Variants in KCNK2 observed in about 807,000 individuals in gnomAD.
KCNK2 encodes the protein potassium channel subfamily K member 2.
Under a neutral mutation model 40.5 loss-of-function variants are expected in KCNK2, and 21 were observed. The observed-to-expected ratio is 0.52, with a 90% CI of 0.37 to 0.75. KCNK2 has a LOEUF of 0.75. Among genes scored for constraint, KCNK2 ranks in the 30% least tolerant of loss-of-function variants. The pLI is 0.00. For missense variants in KCNK2, 399 were observed against 531.6 expected (o/e 0.75, Z 2.45); for synonymous variants, 191 against 202.2 (o/e 0.94, Z 0.47).
At chr1:215,081,165 A>ATGTGTGTG (rs34229936), upstream of KCNK2, among the ~76,000 whole-genome samples, 7,123 of 149,308 alleles carry the variant, frequency 0.048, 213 homozygotes, top group Middle Eastern at 0.099. Context: ...GTACACGCAA[A>ATGTGTGTG]TGTGTGTGTG....
intron 6 of KCNK2, among the ~76,000 whole-genome samples, chr1:215,207,520 A>G (rs901474066): frequency 2.0e-5 from 3 of 152,338 alleles, no homozygotes; most frequent in African/African-American, 7.2e-5. Flanking sequence ...TCTGAAGCAC[A>G]TGCATTTGAA....
At chr1:215,040,102 A>G (rs1657515798) in intron 1 of KCNK2, among the ~76,000 whole-genome samples, 3 of 152,138 alleles carry the variant, frequency 2.0e-5, no homozygotes, top group South Asian at 4.1e-4. Flanking sequence ...TTTACATTAC[A>G]TTACAGTGAC....
At chr1:215,124,548 T>TA in intron 2 of KCNK2, 85 bp from the exon 3 acceptor site, 1 of 807,534 alleles carries the variant, frequency 1.2e-6, no homozygotes, top group Non-Finnish European at 2.2e-6. Context: ...CTTTGTCAAA[T>TA]AAGTCATTTC....
At chr1:215,110,356 T>G (rs113320795) in intron 2 of KCNK2, among the ~76,000 whole-genome samples, 1 of 152,090 alleles carries the variant, frequency 6.6e-6, no homozygotes, top group East Asian at 1.9e-4. Flanking sequence ...GTCTTATGTT[T>G]AAGTCTTTAA....
chr1:215,208,985 G>A (rs1353256384), intron 6 of KCNK2, among the ~76,000 whole-genome samples: 7 of 151,268 alleles, frequency 4.6e-5, no homozygotes, highest in African/African-American at 1.7e-4. Context: ...CTGCCACCAC[G>A]CCCAGCTAAT....
intron 1 of KCNK2, among the ~76,000 whole-genome samples, chr1:215,061,732 A>T (rs1658368326): frequency 6.6e-6 from 1 of 152,118 alleles, no homozygotes; most frequent in African/African-American, 2.4e-5. Context: ...AATTCAACAG[A>T]TTTAAAAGGG....
chr1:215,059,441 GT>G (rs1658294307), intron 1 of KCNK2, among the ~76,000 whole-genome samples: 1 of 151,992 alleles, frequency 6.6e-6, no homozygotes, highest in Non-Finnish European at 1.5e-5. Context: ...TGGTAAGTTA[GT>G]AATGAGTAAA....
At chr1:215,097,481 G>A (rs1263732313) in intron 2 of KCNK2, among the ~76,000 whole-genome samples, 3 of 136,178 alleles carry the variant, frequency 2.2e-5, no homozygotes, top group Non-Finnish European at 3.3e-5. Context: ...CTTCCTTTTG[G>A]GGTGAATGTT....
chr1:215,166,469 T>C (rs1369678788), intron 3 of KCNK2, among the ~76,000 whole-genome samples: 1 of 152,192 alleles, frequency 6.6e-6, no homozygotes, highest in African/African-American at 2.4e-5. Flanking sequence ...TTTTGGTAGC[T>C]GCCTCCAGTC....
chr1:215,196,183 A>C (rs530331691), intron 6 of KCNK2, among the ~76,000 whole-genome samples: 6 of 152,026 alleles, frequency 3.9e-5, no homozygotes, highest in African/African-American at 1.2e-4. Context: ...TCCCAGGTTC[A>C]AGTGATTCTC....
At chr1:215,007,029 A>ATG (rs1447540201) in intron 1 of KCNK2, among the ~76,000 whole-genome samples, 1 of 68,436 alleles carries the variant, frequency 1.5e-5, no homozygotes, top group African/African-American at 5.3e-5. Flanking sequence ...ATATATATAT[A>ATG]TATATATATG....
Position 215,211,773 on chromosome 1 carries a change from A to G in KCNK2, c.963+16681A>G, listed in dbSNP as rs78022665. Among the ~76,000 whole-genome samples, 824 of 152,246 alleles carry G rather than the reference A, an allele frequency of 5.4e-3. 18 individuals carry two copies. The South Asian group carries it at 0.063, about 12-fold the overall frequency. The stretch of plus-strand genomic sequence containing the variant: ...TAATAATGTAGAGATTTTGTTTTTC[A>G]TGCTTATTTTCAATATTAATATATC... On this transcript the variant is annotated intron_variant, in intron 6 of 6. Transcript: ENST00000444842.
chr1:215,024,263 G>T (rs1021499709), intron 1 of KCNK2, among the ~76,000 whole-genome samples: 1 of 152,178 alleles, frequency 6.6e-6, no homozygotes, highest in Non-Finnish European at 1.5e-5. Context: ...ATCTTTGAAT[G>T]GGGCCAGTAT....
chr1:215,223,824 A>G (rs764765366), intron 6 of KCNK2, among the ~76,000 whole-genome samples: 2 of 152,142 alleles, frequency 1.3e-5, no homozygotes, highest in Non-Finnish European at 2.9e-5. Context: ...TCAAAATTCT[A>G]TAAAGAGTAT....
chr1:215,169,375 A>G lies in KCNK2; in HGVS notation c.636+16A>G, dbSNP rs751967407. 16 of 1,569,666 alleles carry G rather than the reference A, an allele frequency of 1.0e-5. No individual in the cohort carries two copies. The African/African-American group carries it at 1.8e-4, about 17-fold the overall frequency. ...TACGTTTATTGTGAGTATGATAGAT[A>G]TTTAACTACGTATATTTATTGTTTG... is the stretch of plus-strand genomic sequence containing the variant. On this transcript the variant is annotated intron_variant, in intron 4 of 6. Coordinates refer to ENST00000444842, the MANE Select transcript of KCNK2 (RefSeq NM_001017425.3).
intron 1 of KCNK2, among the ~76,000 whole-genome samples, chr1:215,021,191 A>G (rs1384510212): frequency 1.3e-5 from 2 of 152,182 alleles, no homozygotes; most frequent in African/African-American, 4.8e-5. Flanking sequence ...TACCAACGGA[A>G]CGGTTTAAGA....
At chr1:215,227,461 G>C (rs1666429241) in intron 6 of KCNK2, among the ~76,000 whole-genome samples, 1 of 152,172 alleles carries the variant, frequency 6.6e-6, no homozygotes, top group South Asian at 2.1e-4. Context: ...GAAACGTTCA[G>C]GATGGCCCCC....
chr1:215,035,657 C>T (rs12402962), intron 1 of KCNK2, among the ~76,000 whole-genome samples: 6,565 of 152,106 alleles, frequency 0.043, 204 homozygotes, highest in Middle Eastern at 0.099. Flanking sequence ...ATGAAATCTT[C>T]GTTCTTTCCA....
Position 215,196,087 on chromosome 1 carries a change from ATT to A in KCNK2, c.963+1008_963+1009del, listed in dbSNP as rs5780818. Reference sequence around the variant, plus strand: ...TCTTTGAAAATTATCAAGTCATATAATTTTTTTTTTTTTTGAGATGAAGTCTC... The same window carrying A: ...TCTTTGAAAATTATCAAGTCATATAATTTTTTTTTTTTGAGATGAAGTCTC... On this transcript the variant is annotated intron_variant, in intron 6 of 6. Coordinates refer to ENST00000444842, the MANE Select transcript of KCNK2 (RefSeq NM_001017425.3). 1.2e-3 allele frequency among the ~76,000 whole-genome samples: 169 copies of A among 144,870 alleles called. 2 individuals are homozygous for A. Among genetic ancestry groups the A allele is most frequent in the East Asian group, 8.5e-3 (42 of 4,966 alleles).
Sources: allele counts gnomAD v4.1 joint callset (sites outside exome capture counted in the v4.1 genomes callset), GRCh38; gene constraint gnomAD v4.1.1; transcripts MANE v1.5; gene names NCBI Gene and HGNC (gene_info 2026-07-23, HGNC 2026-07-21).